The following ADAT1 variants were observed in gnomAD, a reference collection of about 807,000 sequenced individuals.
The protein encoded by ADAT1 is tRNA-specific adenosine deaminase 1.
Under a neutral mutation model 58.6 loss-of-function variants are expected in ADAT1, and 58 were observed. The observed-to-expected ratio is 0.99, with a 90% CI of 0.80 to 1.23. The LOEUF (loss-of-function observed/expected upper bound fraction) is 1.23. ADAT1 is among the 50% of genes most tolerant of loss of function. The pLI, the probability that ADAT1 is intolerant of heterozygous loss-of-function variation, is 0.00. For missense variants in ADAT1, 741 were observed against 608.6 expected (o/e 1.22, Z -2.29); for synonymous variants, 254 against 220.8 (o/e 1.15, Z -1.33).
chr16:75,601,616 G>A (rs371552844), intron 9 of ADAT1, among the ~76,000 whole-genome samples: 2 of 152,088 alleles, frequency 1.3e-5, no homozygotes, highest in South Asian at 2.1e-4. Flanking sequence ...AAATTAGCCG[G>A]GCGTGGTGGC....
chr16:75,600,193 C>A lies in ADAT1; in HGVS notation c.*23G>T. ...AGGCAGTTCAGGATGAAGGGTCCTG[C>A]TACCAGAGCAAACATTTCCTTCTCA... On this transcript the variant is annotated 3_prime_UTR_variant, in exon 10 of 10. Transcript: ENST00000564657. 6.2e-7 allele frequency: 1 copy of A among 1,613,640 alleles called. No individual in the cohort carries two copies.
At chr16:75,620,372 C>T (rs889000250) in intron 2 of ADAT1, 38 bp from the exon 3 acceptor site, 27 of 1,605,568 alleles carry the variant, frequency 1.7e-5, no homozygotes, top group African/African-American at 1.1e-4. Flanking sequence ...TTCTGAGAAA[C>T]GGAATGTTCC....
chr16:75,615,469 A>T (rs2081672638), intron 5 of ADAT1, among the ~76,000 whole-genome samples: 1 of 117,786 alleles, frequency 8.5e-6, no homozygotes, highest in Non-Finnish European at 1.7e-5. Flanking sequence ...CGCAAACGAT[A>T]GTTGATGAGC....
intron 5 of ADAT1, among the ~76,000 whole-genome samples, chr16:75,616,855 T>C (rs2081744256): frequency 6.6e-6 from 1 of 152,252 alleles, no homozygotes; most frequent in Non-Finnish European, 1.5e-5. Context: ...GCTTCACATC[T>C]TGTGAGGTTT....
intron 8 of ADAT1, among the ~76,000 whole-genome samples, chr16:75,606,310 T>A (rs1017354767): frequency 6.6e-6 from 1 of 152,214 alleles, no homozygotes; most frequent in Admixed American, 6.5e-5. Flanking sequence ...AACTCCAGAA[T>A]GGTCCCCAGT....
At chr16:75,607,959 T>G (rs1166912517) in intron 8 of ADAT1, among the ~76,000 whole-genome samples, 2 of 152,152 alleles carry the variant, frequency 1.3e-5, no homozygotes, top group East Asian at 3.8e-4. Flanking sequence ...TCCAAAACAC[T>G]ATGCTAAGTG....
chr16:75,618,311 C>A (rs970946920), intron 4 of ADAT1, among the ~76,000 whole-genome samples: 10 of 151,784 alleles, frequency 6.6e-5, no homozygotes, highest in African/African-American at 2.4e-4. Context: ...TTAAAACCAG[C>A]CTGGCCAGCA....
Position 75,612,232 on chromosome 16 carries a change from T to C in ADAT1, c.1043+11A>G. On this transcript the variant is annotated intron_variant, in intron 6 of 9. Coordinates refer to ENST00000564657, the MANE Select transcript of ADAT1 (RefSeq NM_001324445.2). ...ATGACTGTTCCAATTGAGCCCTCCC[T>C]ACCCTCTCACCTTCCAATCAGTGCT... The C allele has an allele frequency of 6.2e-7, 1 of 1,611,640 alleles. No homozygotes were observed. Among genetic ancestry groups the C allele is most frequent in the Non-Finnish European group, 8.5e-7 (1 of 1,178,308 alleles).
intron 9 of ADAT1, among the ~76,000 whole-genome samples, chr16:75,602,358 T>C (rs573035376): frequency 7.2e-5 from 11 of 152,370 alleles, no homozygotes; most frequent in African/African-American, 2.6e-4. Context: ...CTCCCATATC[T>C]TACCCTATAT....
chr16:75,597,091 A>T lies in ADAT1; in HGVS notation c.*3125T>A, dbSNP rs75354439. On this transcript the variant is annotated 3_prime_UTR_variant, in exon 10 of 10. Transcript: ENST00000564657. Reference sequence around the variant, plus strand: ...CGTTGAGGAACGGGAAGTGACTGCTAATGGGTTCTGCAATGGGTTGAGTGG... The same window carrying T: ...CGTTGAGGAACGGGAAGTGACTGCTTATGGGTTCTGCAATGGGTTGAGTGG... 0.039 allele frequency: 6,212 copies of T among 159,990 alleles called. 145 individuals are homozygous for T. The highest frequency in any genetic ancestry group is 0.044 in the South Asian group (277 of 6,238). The allele number at this position is 159,990 out of a possible 1,614,324, so 9.9% of individuals were successfully genotyped here. A position where few individuals can be genotyped will look rare whatever the true frequency, so the allele number is the denominator to read the frequency against.
intron 8 of ADAT1, among the ~76,000 whole-genome samples, chr16:75,606,202 A>C (rs1781989574): frequency 6.6e-6 from 1 of 152,130 alleles, no homozygotes. Flanking sequence ...TCTAGCAACC[A>C]ACAGTAATTG....
chr16:75,614,550 T>C (rs1379283088), intron 5 of ADAT1, among the ~76,000 whole-genome samples: 1 of 152,166 alleles, frequency 6.6e-6, no homozygotes, highest in Non-Finnish European at 1.5e-5. Context: ...TGGGAATACA[T>C]CTGGAGAGGT....
At chr16:75,615,408 G>A (rs1028566552) in intron 5 of ADAT1, among the ~76,000 whole-genome samples, 3 of 132,658 alleles carry the variant, frequency 2.3e-5, no homozygotes, top group African/African-American at 8.6e-5. Context: ...GCTTCCCTGG[G>A]CCACATTGGA....
intron 8 of ADAT1, among the ~76,000 whole-genome samples, chr16:75,604,882 C>T (rs1024751971): frequency 1.3e-5 from 2 of 152,162 alleles, no homozygotes; most frequent in African/African-American, 2.4e-5. Flanking sequence ...AGAAACACTA[C>T]AGTTAACCCT....
intron 8 of ADAT1, among the ~76,000 whole-genome samples, chr16:75,606,031 GTTGT>G (rs1314495951): frequency 7.5e-6 from 1 of 133,184 alleles, no homozygotes; most frequent in East Asian, 2.9e-4. Flanking sequence ...TGTTGTTGCT[GTTGT>G]TTGTTTTTTA....
chr16:75,607,439 T>C (rs1429286807), intron 8 of ADAT1, among the ~76,000 whole-genome samples: 1 of 150,818 alleles, frequency 6.6e-6, no homozygotes, highest in Non-Finnish European at 1.5e-5. Flanking sequence ...GGGGCGGAGG[T>C]TGCAGTGAGC....
chr16:75,617,048 A>C (rs1352262100), intron 5 of ADAT1, 94 bp downstream of exon 5: 2 of 1,480,274 alleles, frequency 1.4e-6, no homozygotes, highest in South Asian at 2.7e-5. Flanking sequence ...TACTTCAGCC[A>C]TTAGTGCTTT....
chr16:75,606,226 C>A (rs559015656), intron 8 of ADAT1, among the ~76,000 whole-genome samples: 1 of 152,040 alleles, frequency 6.6e-6, no homozygotes, highest in Admixed American at 6.6e-5. Context: ...CAAAGAGGAA[C>A]AAAAGCTTAA....
rs771084797 is a variant in ADAT1, at chr16:75,617,244, C to T, written c.322G>A (p.Ala108Thr). The T allele has an allele frequency of 1.9e-6, 3 of 1,613,524 alleles. No homozygotes were observed. Among genetic ancestry groups the T allele is most frequent in the Non-Finnish European group, 2.5e-6 (3 of 1,179,520 alleles). Residue 108 changes from alanine to threonine, a missense_variant, in exon 5 of 10, where the codon GCC becomes ACC. Ala to Thr is a moderately conservative substitution (Grantham distance 58). Transcript: ENST00000564657. The stretch of plus-strand genomic sequence containing the variant: ...AAGATGCTATCCTCTTTCAGGGTGG[C>T]TGCCAACTGGAGTTGGTGGAGAAGG... ...RYLLHQLQLA[A>T]TLKEDSIFVP...
Sources: allele counts gnomAD v4.1 joint callset (sites outside exome capture counted in the v4.1 genomes callset), GRCh38; gene constraint gnomAD v4.1.1; transcripts MANE v1.5; gene names NCBI Gene and HGNC (gene_info 2026-07-23, HGNC 2026-07-21).